PSD3: variants seen among roughly 807,000 people sequenced by gnomAD.
PSD3 encodes pleckstrin and Sec7 domain containing 3.
A neutral mutation model predicts 105.5 loss-of-function variants in PSD3; 49 were observed. That is an observed-to-expected ratio of 0.46 (90% CI 0.37 to 0.59). The LOEUF (loss-of-function observed/expected upper bound fraction) is 0.59, where lower values mean the gene tolerates loss of function less well. PSD3 is among the 20% of genes least tolerant of loss of function. PSD3 has a pLI of 0.00. For missense variants in PSD3, 1,561 were observed against 1,263.8 expected (o/e 1.24, Z -3.57); for synonymous variants, 557 against 457.8 (o/e 1.22, Z -2.77).
intron 9 of PSD3, among the ~76,000 whole-genome samples, chr8:18,764,281 G>C (rs988729175): frequency 6.6e-6 from 1 of 152,060 alleles, no homozygotes; most frequent in African/African-American, 2.4e-5. Flanking sequence ...AACACCATAC[G>C]GATTCAATGG....
At chr8:18,723,321 T>C (rs1418346180) in intron 9 of PSD3, among the ~76,000 whole-genome samples, 1 of 152,242 alleles carries the variant, frequency 6.6e-6, no homozygotes, top group Non-Finnish European at 1.5e-5. Context: ...TACTTAGGAA[T>C]GAGCTGTCAT....
At chr8:18,578,445 C>T (rs7845280) in intron 12 of PSD3, among the ~76,000 whole-genome samples, 140,800 of 152,112 alleles carry the variant, frequency 0.93, 65,282 homozygotes, top group East Asian at 1. Context: ...GTTACAATAC[C>T]CTCCTGGTTT....
chr8:18,905,821 G>T (rs2129462231), intron 2 of PSD3, among the ~76,000 whole-genome samples: 1 of 152,058 alleles, frequency 6.6e-6, no homozygotes, highest in Non-Finnish European at 1.5e-5. Flanking sequence ...CACGAATATA[G>T]GCCTAAAATA....
intron 1 of PSD3, among the ~76,000 whole-genome samples, chr8:19,067,844 C>A (rs924265440): frequency 2.6e-5 from 4 of 152,200 alleles, no homozygotes; most frequent in Non-Finnish European, 5.9e-5. Context: ...TTTCTGGCCA[C>A]CTTGGAGGAA....
At chr8:18,547,366 G>A (rs143204112) in intron 15 of PSD3, among the ~76,000 whole-genome samples, 109 of 152,292 alleles carry the variant, frequency 7.2e-4, no homozygotes, top group Middle Eastern at 3.4e-3. Flanking sequence ...GGCTTGCTGC[G>A]GCTGTGGTAT....
At chr8:18,959,332 T>C (rs755384769) in intron 1 of PSD3, among the ~76,000 whole-genome samples, 3 of 152,166 alleles carry the variant, frequency 2.0e-5, no homozygotes, top group African/African-American at 4.8e-5. Context: ...AGCCAGAAGA[T>C]GCATGAATTC....
intron 10 of PSD3, among the ~76,000 whole-genome samples, chr8:18,651,504 T>C (rs1808477513): frequency 6.6e-6 from 1 of 152,210 alleles, no homozygotes; most frequent in African/African-American, 2.4e-5. Context: ...ACCATTAACA[T>C]CCTTTCTATA....
Position 18,917,944 on chromosome 8 carries a change from T to C in PSD3, c.130+18090A>G, listed in dbSNP as rs17127424. ...AGGTGGGCGTGTGTGTTTATGTATT[T>C]ATGTATCCTAACAAGGTTCACTGCC... On this transcript the variant is annotated intron_variant, in intron 2 of 15. Coordinates refer to ENST00000327040, the MANE Select transcript of PSD3 (RefSeq NM_015310.4). Among the ~76,000 whole-genome samples the C allele has an allele frequency of 0.011, 1,704 of 152,262 alleles. 78 individuals carry two copies. In the East Asian group the frequency reaches 0.14, roughly 12 times the overall value.
At chr8:18,655,494 A>G in intron 10 of PSD3, 148 bp downstream of exon 10, 1 of 742,090 alleles carries the variant, frequency 1.3e-6, no homozygotes, top group Non-Finnish European at 2.3e-6. Context: ...TTACTTGTAT[A>G]AAGCCACAAA....
At chr8:18,685,022 C>T (rs940842239) in intron 9 of PSD3, among the ~76,000 whole-genome samples, 2 of 152,284 alleles carry the variant, frequency 1.3e-5, no homozygotes, top group South Asian at 2.1e-4. Flanking sequence ...GCCACATAAG[C>T]GTGTTCTCCA....
chr8:18,989,785 A>C (rs1417489298), intron 1 of PSD3, among the ~76,000 whole-genome samples: 2 of 152,190 alleles, frequency 1.3e-5, no homozygotes, highest in Non-Finnish European at 2.9e-5. Flanking sequence ...TTCCCACCTG[A>C]CATATGCCCA....
At chr8:18,831,079 G>A (rs977371962) in intron 4 of PSD3, among the ~76,000 whole-genome samples, 10 of 125,706 alleles carry the variant, frequency 8.0e-5, no homozygotes, top group South Asian at 2.3e-4. Context: ...TGACTCTGAC[G>A]TTTGCTTCTG....
At chr8:18,823,808 A>C (rs957936533) in intron 4 of PSD3, among the ~76,000 whole-genome samples, 3 of 146,410 alleles carry the variant, frequency 2.0e-5, no homozygotes, top group Non-Finnish European at 3.0e-5. Context: ...ACACACACAC[A>C]CACACACCCC....
intron 1 of PSD3, among the ~76,000 whole-genome samples, chr8:19,067,398 T>C (rs1829110026): frequency 6.6e-6 from 1 of 152,120 alleles, no homozygotes; most frequent in Non-Finnish European, 1.5e-5. Flanking sequence ...TGGAAAGACA[T>C]CATTGCACCA....
intron 4 of PSD3, among the ~76,000 whole-genome samples, chr8:18,818,023 G>A (rs1477672983): frequency 3.3e-5 from 5 of 152,178 alleles, no homozygotes; most frequent in African/African-American, 4.8e-5. Context: ...GCGCGATCTC[G>A]GCTCACTGCA....
At chr8:18,975,414 T>C (rs1185899598) in intron 1 of PSD3, among the ~76,000 whole-genome samples, 1 of 151,626 alleles carries the variant, frequency 6.6e-6, no homozygotes, top group African/African-American at 2.4e-5. Flanking sequence ...AAGGCTATAA[T>C]TGGTGGGATG....
At chr8:18,945,350 A>C (rs1339410003) in intron 1 of PSD3, among the ~76,000 whole-genome samples, 1 of 152,236 alleles carries the variant, frequency 6.6e-6, no homozygotes. Context: ...AGACAGAAGC[A>C]TAGAAAAGTA....
rs138060391 is a variant in PSD3, at chr8:18,813,323, C to T, written c.1635-8425G>A. Among the ~76,000 whole-genome samples the T allele has an allele frequency of 1.1e-3, 172 of 152,122 alleles. 1 individual carries two copies. The East Asian group carries it at 0.015, about 13-fold the overall frequency. On this transcript the variant is annotated intron_variant, in intron 4 of 15. Coordinates refer to ENST00000327040, the MANE Select transcript of PSD3 (RefSeq NM_015310.4). ...CTCGTGGAAGACCAGGAGTTTGGTTCGAAGAAACGATAGGTACAAGGTACA... is the reference window on the plus strand; with the variant it reads ...CTCGTGGAAGACCAGGAGTTTGGTTTGAAGAAACGATAGGTACAAGGTACA...
intron 8 of PSD3, among the ~76,000 whole-genome samples, chr8:18,774,265 T>C (rs1200544529): frequency 6.6e-6 from 1 of 152,228 alleles, no homozygotes; most frequent in Non-Finnish European, 1.5e-5. Context: ...TAGCTACATA[T>C]ATTTTTAGAG....
Sources: allele counts gnomAD v4.1 joint callset (sites outside exome capture counted in the v4.1 genomes callset), GRCh38; gene constraint gnomAD v4.1.1; transcripts MANE v1.5; gene names NCBI Gene and HGNC (gene_info 2026-07-23, HGNC 2026-07-21).